Variants in SLCO2A1 observed in about 807,000 individuals in gnomAD.
SLCO2A1 encodes solute carrier organic anion transporter family member 2A1, also known as matrin F/G 1.
In SLCO2A1, 60 loss-of-function variants were observed where a neutral mutation model predicts 71.7. That is an observed-to-expected ratio of 0.84 (90% CI 0.68 to 1.04). SLCO2A1 has a LOEUF of 1.04. SLCO2A1 is among the 50% of genes least tolerant of loss of function. The pLI is 0.00. For synonymous variants in SLCO2A1, 308 were observed against 326.7 expected, an observed-to-expected ratio of 0.94 and a Z score of 0.62; for missense variants, 745 against 813.4, an observed-to-expected ratio of 0.92 and a Z score of 1.02.
intron 1 of SLCO2A1, among the ~76,000 whole-genome samples, chr3:134,009,764 G>A (rs1935294139): frequency 1.3e-5 from 2 of 152,200 alleles, no homozygotes; most frequent in Admixed American, 1.3e-4. Context: ...GATATAAATA[G>A]GCAGTTCTGG....
intron 11 of SLCO2A1, among the ~76,000 whole-genome samples, chr3:133,940,221 G>A (rs919822920): frequency 2.6e-5 from 4 of 152,116 alleles, no homozygotes; most frequent in African/African-American, 4.8e-5. Context: ...ACCCACCTTG[G>A]CCTCCCAAAG....
rs1008235550 is a variant in SLCO2A1, at chr3:133,933,515, G to C, written c.*1198C>G. ...TGAATGACCTCCTTCGTTGGCTTCTGTCTCTCAACATCTATCACGTAGCAG... is the reference window on the plus strand; with the variant it reads ...TGAATGACCTCCTTCGTTGGCTTCTCTCTCTCAACATCTATCACGTAGCAG... On this transcript the variant is annotated 3_prime_UTR_variant, in exon 14 of 14. Coordinates refer to ENST00000310926, the MANE Select transcript of SLCO2A1 (RefSeq NM_005630.3). 1 of 152,230 alleles carries C rather than the reference G, an allele frequency of 6.6e-6. No individual in the cohort carries two copies. Among genetic ancestry groups the C allele is most frequent in the African/African-American group, 2.4e-5 (1 of 41,438 alleles). The allele number at this position is 152,230 out of a possible 1,614,324, so 9.4% of individuals were successfully genotyped here. A position where few individuals can be genotyped will look rare whatever the true frequency, so the allele number is the denominator to read the frequency against.
chr3:133,991,796 C>T (rs959790401), intron 1 of SLCO2A1, among the ~76,000 whole-genome samples: 6 of 152,188 alleles, frequency 3.9e-5, no homozygotes, highest in East Asian at 1.9e-4. Flanking sequence ...GTAACTCTTC[C>T]GCTTTCTTCT....
intron 1 of SLCO2A1, 89 bp downstream of exon 1, chr3:134,029,618 C>A (rs978189624): frequency 2.7e-6 from 3 of 1,115,572 alleles, no homozygotes; most frequent in African/African-American, 3.3e-5. Flanking sequence ...CTCCCGGAGC[C>A]TCCTGGCTCC....
intron 3 of SLCO2A1, among the ~76,000 whole-genome samples, chr3:133,969,554 C>CTT (rs796569155): frequency 0.064 from 9,411 of 147,280 alleles, 473 homozygotes; most frequent in African/African-American, 0.14. Flanking sequence ...GCCCGGCTAA[C>CTT]TTTTTTTTTT....
intron 1 of SLCO2A1, among the ~76,000 whole-genome samples, chr3:134,016,818 T>C (rs1167326248): frequency 6.6e-6 from 1 of 152,196 alleles, no homozygotes; most frequent in Non-Finnish European, 1.5e-5. Flanking sequence ...AAACAAATTA[T>C]GGTACGGTCA....
chr3:133,979,724 G>A (rs1934543173), intron 1 of SLCO2A1, 106 bp from the exon 2 acceptor site: 1 of 1,263,934 alleles, frequency 7.9e-7, no homozygotes, highest in Admixed American at 2.5e-5. Flanking sequence ...TTCCTCGCCT[G>A]TTATCTAGGA....
chr3:133,944,658 T>C (rs182616040), intron 10 of SLCO2A1, among the ~76,000 whole-genome samples: 22 of 152,334 alleles, frequency 1.4e-4, no homozygotes, highest in African/African-American at 5.0e-4. Context: ...TTGAACCAAG[T>C]GCCCTCAGCT....
In SLCO2A1 at chr3:134,011,137, G is replaced by A. The variant is rs550056701; in HGVS notation, c.96+18570C>T. 1.9e-3 allele frequency among the ~76,000 whole-genome samples: 288 copies of A among 152,172 alleles called. 1 individual carries two copies. The highest frequency in any genetic ancestry group is 0.015 in the South Asian group (73 of 4,830). On this transcript the variant is annotated intron_variant, in intron 1 of 13. Coordinates refer to ENST00000310926, the MANE Select transcript of SLCO2A1 (RefSeq NM_005630.3). ...GCGATCTCGGCTCACTGCAACCTCC[G>A]CCTCCTGGGTTCAAGCAGCTCTCCT...
chr3:133,994,700 G>A (rs982860971), intron 1 of SLCO2A1, among the ~76,000 whole-genome samples: 2 of 152,200 alleles, frequency 1.3e-5, no homozygotes, highest in African/African-American at 4.8e-5. Flanking sequence ...GCCAGGCCTC[G>A]TATCAAACTG....
chr3:133,955,003 A>G lies in SLCO2A1; in HGVS notation c.588T>C (p.Asp196=), dbSNP rs2108045801. ...GCGAGTTGCTGGGCTCTGAGAAGTCATCCACATAGGAGATCCCAAATGGCT... is the reference window on the plus strand; with the variant it reads ...GCGAGTTGCTGGGCTCTGAGAAGTCGTCCACATAGGAGATCCCAAATGGCT... ...PIQPFGISYV[D]DFSEPSNSPL... is the part of the protein sequence containing the mutation. The change falls in exon 4 of 14, where the codon GAT becomes GAC. Residue 196 remains aspartate, a synonymous_variant. Coordinates refer to ENST00000310926, the MANE Select transcript of SLCO2A1 (RefSeq NM_005630.3). 1 of 1,614,190 alleles carries G rather than the reference A, an allele frequency of 6.2e-7. No homozygotes were observed. The highest frequency in any genetic ancestry group is 8.5e-7 in the Non-Finnish European group (1 of 1,180,034).
At chr3:134,023,136 AC>A (rs1303745585) in intron 1 of SLCO2A1, among the ~76,000 whole-genome samples, 32 of 151,988 alleles carry the variant, frequency 2.1e-4, no homozygotes, top group African/African-American at 6.5e-4. Flanking sequence ...AAACAAACAA[AC>A]AAACAAACAA....
In SLCO2A1 at chr3:133,948,854, G is replaced by A. The variant is rs59416045; in HGVS notation, c.940+39C>T. The A allele has an allele frequency of 5.6e-3, 8,995 of 1,603,052 alleles. 422 individuals carry two copies. The African/African-American group carries it at 0.1, about 18-fold the overall frequency. On this transcript the variant is annotated intron_variant, in intron 7 of 13. Coordinates refer to ENST00000310926, the MANE Select transcript of SLCO2A1 (RefSeq NM_005630.3). Reference sequence around the variant, plus strand: ...CCCCCTGGCCACTATCCCCTCCCCCGCACTGTGCCAGCCCACCCAGGGCTG... The same window carrying A: ...CCCCCTGGCCACTATCCCCTCCCCCACACTGTGCCAGCCCACCCAGGGCTG...
At chr3:133,947,221 T>C in intron 9 of SLCO2A1, 35 bp downstream of exon 9, 2 of 1,572,372 alleles carry the variant, frequency 1.3e-6, no homozygotes, top group Non-Finnish European at 8.7e-7. Context: ...CCTGGCCTTA[T>C]TAAAGGGGAT....
chr3:133,941,619 C>T (rs1177281724), intron 11 of SLCO2A1, among the ~76,000 whole-genome samples: 3 of 151,982 alleles, frequency 2.0e-5, no homozygotes, highest in Non-Finnish European at 4.4e-5. Flanking sequence ...AGGTGAAGAG[C>T]GGGTCATTCC....
At chr3:133,957,139 C>T (rs1456994285) in intron 3 of SLCO2A1, among the ~76,000 whole-genome samples, 1 of 152,198 alleles carries the variant, frequency 6.6e-6, no homozygotes, top group East Asian at 1.9e-4. Context: ...CTGCCCATCC[C>T]CACCAACCAC....
chr3:134,014,515 C>A (rs1396121325), intron 1 of SLCO2A1, among the ~76,000 whole-genome samples: 4 of 152,218 alleles, frequency 2.6e-5, no homozygotes, highest in African/African-American at 9.6e-5. Context: ...GTCCTCTCAA[C>A]TGAAAGGGCT....
At chr3:134,008,378 G>T (rs1286416551) in intron 1 of SLCO2A1, among the ~76,000 whole-genome samples, 1 of 152,170 alleles carries the variant, frequency 6.6e-6, no homozygotes, top group Admixed American at 6.5e-5. Context: ...AAGAATAAAT[G>T]AATGAATAAA....
chr3:133,987,137 C>CCCCCCG (rs1487751557), intron 1 of SLCO2A1, among the ~76,000 whole-genome samples: 1 of 126,170 alleles, frequency 7.9e-6, no homozygotes, highest in African/African-American at 2.9e-5. Context: ...CAAAGCCCCC[C>CCCCCCG]CCCCCGCCCC....
Sources: gnomAD v4.1 joint callset for allele counts (sites outside exome capture counted in the v4.1 genomes callset) on GRCh38, gnomAD v4.1.1 for gene constraint, MANE v1.5 for transcripts, NCBI Gene and HGNC (gene_info 2026-07-23, HGNC 2026-07-21) for gene names.